Variants in PUM1 observed in about 807,000 individuals in gnomAD.
PUM1 encodes pumilio homolog 1.
A neutral mutation model predicts 131.8 loss-of-function variants in PUM1; 13 were observed. The ratio of observed to expected loss-of-function variants is 0.10; its 90% CI spans 0.06 to 0.16. The LOEUF (loss-of-function observed/expected upper bound fraction) is 0.16. Ranked by LOEUF, PUM1 falls within the 10% of genes least tolerant of loss-of-function variation. PUM1 has a pLI of 1.00. For missense variants in PUM1, 961 were observed against 1,512.4 expected (o/e 0.64, Z 6.05); for synonymous variants, 509 against 556.5 (o/e 0.91, Z 1.20).
chr1:31,002,992 C>T (rs1046469648), intron 5 of PUM1, among the ~76,000 whole-genome samples: 3 of 152,156 alleles, frequency 2.0e-5, no homozygotes, highest in Non-Finnish European at 4.4e-5. Context: ...GTTCTAAACA[C>T]CTTTACCTGA....
At position 30,993,342 on chromosome 1, in the gene PUM1, T is replaced by TAA. The variant is rs200120030; in HGVS notation, c.888-684_888-683dup. On this transcript the variant is annotated intron_variant, in intron 6 of 21. Transcript: ENST00000426105. ...TCCAAACCAGGACATGCCTAAGATT[T>TAA]AAAAAAAAAAAAAAAAAACAGGGCA... Among the ~76,000 whole-genome samples, 319 of 127,042 alleles carry TAA rather than the reference T, an allele frequency of 2.5e-3. 4 individuals carry two copies. Among genetic ancestry groups the TAA allele is most frequent in the South Asian group, 9.4e-3 (38 of 4,042 alleles). 83.3% of individuals were successfully genotyped at this position (127,042 alleles called of 152,430 possible).
At chr1:31,039,809 T>C (rs1643762125) in intron 2 of PUM1, among the ~76,000 whole-genome samples, 1 of 151,940 alleles carries the variant, frequency 6.6e-6, no homozygotes, top group African/African-American at 2.4e-5. Context: ...TGTGGCAGGA[T>C]AATCGCTTGA....
In PUM1 at chr1:30,967,429, T is replaced by C; in HGVS notation, c.1646-119A>G. The C allele has an allele frequency of 7.7e-6, 7 of 910,882 alleles. No homozygotes were observed. The South Asian group carries it at 8.5e-5, about 11-fold the overall frequency. The allele number at this position is 910,882 out of a possible 1,614,324, so 56.4% of individuals were successfully genotyped here. A position where few individuals can be genotyped will look rare whatever the true frequency, so the allele number is the denominator to read the frequency against. ...TGAGGTTGAATTGGCCAGATTTATA[T>C]ACTGGCTCCATCACTTAAATAGTTG... is the stretch of plus-strand genomic sequence containing the variant. On this transcript the variant is annotated intron_variant, in intron 11 of 21. Transcript: ENST00000426105.
chr1:30,967,202 G>A lies in PUM1; in HGVS notation c.1754C>T (p.Ala585Val), dbSNP rs767795270. The A allele has an allele frequency of 6.2e-7, 1 of 1,614,104 alleles. No individual in the cohort carries two copies. Among genetic ancestry groups the A allele is most frequent in the South Asian group, 1.1e-5 (1 of 91,072 alleles). The change falls in exon 12 of 22, where the codon GCC becomes GTC. Residue 585 changes from alanine (A) to valine (V), a missense_variant. Ala to Val is a moderately conservative substitution (Grantham distance 64). Transcript: ENST00000426105. ...AGCTGAGGAACTAATGATGACTGGG[G>A]CAGGAGCTACAAGTCGAACAGGAGC... ...LGAPVRLVAP[A>V]PVIISSSAAQ... is the part of the protein sequence containing the mutation.
At chr1:30,969,321 AAAAAAAAAAAAAAAAG>A (rs1640768588) in intron 10 of PUM1, among the ~76,000 whole-genome samples, 1 of 144,822 alleles carries the variant, frequency 6.9e-6, no homozygotes, top group Admixed American at 7.0e-5. Flanking sequence ...ACACACAAAA[AAAAAAAAAAAAAAAAG>A]AAAAAAAAAG....
At chr1:30,975,840 G>C (rs117176659) in intron 9 of PUM1, among the ~76,000 whole-genome samples, 4 of 152,052 alleles carry the variant, frequency 2.6e-5, no homozygotes, top group South Asian at 4.2e-4. Context: ...CCAGCATTAC[G>C]GGAGGCCAAG....
intron 5 of PUM1, among the ~76,000 whole-genome samples, chr1:30,998,987 GTGTTTTTGTTTTTGTTTT>G (rs151177933): frequency 4.6e-5 from 7 of 151,900 alleles, no homozygotes; most frequent in Admixed American, 1.3e-4. Flanking sequence ...TAGCTGTGTG[GTGTTTTTGTTTTTGTTTT>G]TGTTTTTGTT....
chr1:30,951,019 T>C (rs968177722), intron 16 of PUM1, among the ~76,000 whole-genome samples: 24 of 152,232 alleles, frequency 1.6e-4, no homozygotes, highest in Admixed American at 3.3e-4. Context: ...GAAGTGAGGC[T>C]ACACAATGTT....
intron 3 of PUM1, among the ~76,000 whole-genome samples, chr1:31,014,690 G>A (rs1164034936): frequency 6.6e-6 from 1 of 151,754 alleles, no homozygotes; most frequent in Non-Finnish European, 1.5e-5. Context: ...TCGGGAGGCT[G>A]AGGTAGCAGA....
In PUM1 at chr1:30,969,720, A is replaced by G. The variant is rs551879797; in HGVS notation, c.1507-1228T>C. Among the ~76,000 whole-genome samples the G allele has an allele frequency of 1.6e-3, 239 of 152,056 alleles. 2 individuals carry two copies. Among genetic ancestry groups the G allele is most frequent in the Admixed American group, 4.1e-3 (63 of 15,270 alleles). On this transcript the variant is annotated intron_variant, in intron 10 of 21. Coordinates refer to ENST00000426105, the MANE Select transcript of PUM1 (RefSeq NM_001020658.2). Reference sequence around the variant, plus strand: ...TGCTCTGCTGCTCAGGCTGGAGTGTAGTGTGGCACAGTCTCAGCTCACTGT... The same window carrying G: ...TGCTCTGCTGCTCAGGCTGGAGTGTGGTGTGGCACAGTCTCAGCTCACTGT...
intron 21 of PUM1, among the ~76,000 whole-genome samples, chr1:30,934,644 A>C (rs1402614017): frequency 6.6e-6 from 1 of 152,208 alleles, no homozygotes; most frequent in Non-Finnish European, 1.5e-5. Flanking sequence ...CTTTCCTTTC[A>C]GTTGTAATAC....
intron 20 of PUM1, among the ~76,000 whole-genome samples, chr1:30,940,620 G>A (rs1414378178): frequency 2.0e-5 from 3 of 152,152 alleles, no homozygotes; most frequent in Non-Finnish European, 4.4e-5. Flanking sequence ...TATCTTCTCA[G>A]AAGACTATAC....
chr1:31,005,744 G>T, intron 5 of PUM1, 109 bp downstream of exon 5: 2 of 1,063,982 alleles, frequency 1.9e-6, no homozygotes, highest in Non-Finnish European at 2.7e-6. Context: ...TTAATGCTGT[G>T]AACATCTAAG....
chr1:30,961,154 C>T (rs1640387875), intron 14 of PUM1, among the ~76,000 whole-genome samples: 1 of 151,636 alleles, frequency 6.6e-6, no homozygotes, highest in Non-Finnish European at 1.5e-5. Context: ...GATCACGCCA[C>T]TGCATTCCAA....
At chr1:30,949,026 T>G (rs1220051387) in intron 17 of PUM1, 20 of 454,654 alleles carry the variant, frequency 4.4e-5, no homozygotes, top group Admixed American at 3.3e-4. Flanking sequence ...CTTTAAAAAC[T>G]TTGGACTTCT....
intron 9 of PUM1, among the ~76,000 whole-genome samples, chr1:30,975,324 C>T (rs1641087809): frequency 1.3e-5 from 2 of 151,248 alleles, no homozygotes; most frequent in African/African-American, 2.4e-5. Flanking sequence ...TCCACTGCAA[C>T]TTCAAAGTTG....
intron 2 of PUM1, among the ~76,000 whole-genome samples, chr1:31,031,512 T>C (rs1001382348): frequency 1.5e-4 from 23 of 152,188 alleles, no homozygotes; most frequent in Non-Finnish European, 2.5e-4. Context: ...GGGAAAAGCA[T>C]AGGAGGAAAC....
chr1:30,976,613 T>C (rs1202878216), intron 9 of PUM1, among the ~76,000 whole-genome samples: 3 of 152,208 alleles, frequency 2.0e-5, no homozygotes, highest in Non-Finnish European at 4.4e-5. Context: ...TGTTTTGACA[T>C]TTCTAATTTG....
In PUM1 at chr1:30,975,926, A is replaced by AT. The variant is rs201239853; in HGVS notation, c.1355-1125_1355-1124insA. 7.5e-4 allele frequency among the ~76,000 whole-genome samples: 114 copies of AT among 151,900 alleles called. 1 individual carries two copies. The East Asian group carries it at 0.021, about 27-fold the overall frequency. ...GGTGAAACCCCATCTCTACTAAAAA[A>AT]ATATATAAAAAATTAGCCGGACGTG... On this transcript the variant is annotated intron_variant, in intron 9 of 21. Coordinates refer to ENST00000426105, the MANE Select transcript of PUM1 (RefSeq NM_001020658.2).
Sources: allele counts gnomAD v4.1 joint callset (sites outside exome capture counted in the v4.1 genomes callset), GRCh38; gene constraint gnomAD v4.1.1; transcripts MANE v1.5; gene names NCBI Gene and HGNC (gene_info 2026-07-23, HGNC 2026-07-21).